The following CT55 variants were observed in gnomAD, a reference collection of about 807,000 sequenced individuals.
The protein encoded by CT55 is BRCA2-interacting protein.
In CT55, 1 loss-of-function variant was observed where a neutral mutation model predicts 12.6. The ratio of observed to expected loss-of-function variants is 0.08; its 90% CI spans 0.03 to 0.38. The LOEUF is 0.38. CT55 is among the 10% of genes least tolerant of loss of function. CT55 has a pLI of 0.99. For missense variants in CT55, 109 were observed against 135.4 expected, an observed-to-expected ratio of 0.80 and a Z score of 0.97; for synonymous variants, 43 against 49.7, an observed-to-expected ratio of 0.87 and a Z score of 0.57.
At chrX:135,163,769 G>C (rs1165523105) in intron 2 of CT55, among the ~76,000 whole-genome samples, 1 of 111,625 alleles carries the variant, frequency 9.0e-6, no homozygotes, top group Non-Finnish European at 1.9e-5. Flanking sequence ...AAATCAAACT[G>C]TCAAAGATGA....
At chrX:135,169,461 G>A (rs1603274698) in intron 2 of CT55, 133 bp downstream of exon 2, 2 of 402,259 alleles carry the variant, frequency 5.0e-6, no homozygotes, top group African/African-American at 2.6e-5. Flanking sequence ...TTCAGAGGAG[G>A]GGGGCTTCAA....
At chrX:135,160,907 T>A in intron 2 of CT55, among the ~76,000 whole-genome samples, 1 of 111,579 alleles carries the variant, frequency 9.0e-6, no homozygotes, top group Non-Finnish European at 1.9e-5. Flanking sequence ...ATGAAGGATA[T>A]AAAACTAGTT....
At chrX:135,161,728 T>G (rs1217736121) in intron 2 of CT55, among the ~76,000 whole-genome samples, 1 of 112,454 alleles carries the variant, frequency 8.9e-6, no homozygotes, top group East Asian at 2.8e-4. Flanking sequence ...GCCACTGAGT[T>G]GTAAAGAATT....
intron 2 of CT55, among the ~76,000 whole-genome samples, chrX:135,161,177 G>C (rs542745185): frequency 1.9e-4 from 21 of 110,912 alleles, no homozygotes; most frequent in African/African-American, 6.9e-4. Flanking sequence ...GAAAAACCAA[G>C]TCAAATTAGG....
At chrX:135,158,156 A>C in intron 4 of CT55, 43 bp downstream of exon 4, 1 of 800,229 alleles carries the variant, frequency 1.2e-6, no homozygotes, top group African/African-American at 2.0e-5. Context: ...CCAAAGGAAG[A>C]GTTAGCAGAA....
At chrX:135,167,303 G>A (rs1309981231) in intron 2 of CT55, among the ~76,000 whole-genome samples, 3 of 112,095 alleles carry the variant, frequency 2.7e-5, no homozygotes, top group Non-Finnish European at 5.6e-5. Flanking sequence ...TGCATTTACA[G>A]TCAACTAATT....
intron 2 of CT55, among the ~76,000 whole-genome samples, chrX:135,163,374 G>T (rs1373513732): frequency 8.9e-6 from 1 of 112,404 alleles, no homozygotes; most frequent in Non-Finnish European, 1.9e-5. Context: ...TGAAAGAATT[G>T]TTAAAAACCA....
chrX:135,168,875 A>G (rs1174495307), intron 2 of CT55, among the ~76,000 whole-genome samples: 1 of 112,448 alleles, frequency 8.9e-6, no homozygotes, highest in Non-Finnish European at 1.9e-5. Context: ...AGCCATAAAT[A>G]TCCCTATTGT....
In CT55 at chrX:135,164,132, A is replaced by G. The variant is rs1404229785; in HGVS notation, c.280-3577T>C. Among the ~76,000 whole-genome samples the G allele has an allele frequency of 2.7e-5, 3 of 112,333 alleles. No individual in the cohort carries two copies. The South Asian group carries it at 1.1e-3, about 42-fold the overall frequency. ...AACTCACCAGTAAAGGTAACGACAC[A>G]AATTCAGAATACTCTAATAAGGTAA... On this transcript the variant is annotated intron_variant, in intron 2 of 5. Transcript: ENST00000276241.
In CT55 at chrX:135,171,172, C is replaced by T. The variant is rs868955080; in HGVS notation, c.-1G>A. On this transcript the variant is annotated 5_prime_UTR_variant, in exon 1 of 6. Transcript: ENST00000276241. The stretch of plus-strand genomic sequence containing the variant: ...AAGCAAGTCTCAGAAGCCTGAGCAT[C>T]GTCCCAGTTGTCACCACCGGCCTGG... The T allele has an allele frequency of 3.3e-6, 4 of 1,211,412 alleles. No homozygotes were observed. The highest frequency in any genetic ancestry group is 4.5e-6 in the Non-Finnish European group (4 of 895,284).
intron 3 of CT55, among the ~76,000 whole-genome samples, 161 bp from the exon 4 acceptor site, chrX:135,158,472 A>G (rs1445673329): frequency 1.8e-5 from 2 of 112,597 alleles, no homozygotes; most frequent in South Asian, 7.4e-4. Flanking sequence ...CTAAGTCCAA[A>G]AAGAAGTTTA....
At chrX:135,160,078 T>A (rs148966485) in intron 3 of CT55, among the ~76,000 whole-genome samples, 288 of 111,821 alleles carry the variant, frequency 2.6e-3, no homozygotes, top group Non-Finnish European at 4.0e-3. Flanking sequence ...AAATGATGCC[T>A]GCAAGTATAG....
chrX:135,163,258 G>C (rs1200572823), intron 2 of CT55, among the ~76,000 whole-genome samples: 4 of 112,542 alleles, frequency 3.6e-5, no homozygotes, highest in African/African-American at 1.3e-4. Flanking sequence ...TATATGAGTT[G>C]TTTAACAAAT....
At chrX:135,165,534 GA>G (rs1237205475) in intron 2 of CT55, among the ~76,000 whole-genome samples, 1 of 110,603 alleles carries the variant, frequency 9.0e-6, no homozygotes, top group African/African-American at 3.3e-5. Context: ...AGAAAAACAA[GA>G]AAAAAATGCA....
At chrX:135,166,413 C>T (rs781899509) in intron 2 of CT55, among the ~76,000 whole-genome samples, 14 of 111,461 alleles carry the variant, frequency 1.3e-4, no homozygotes, top group African/African-American at 3.3e-4. Context: ...CACACCTCTT[C>T]GTGACTAAAA....
At chrX:135,158,956 A>G (rs1484777916) in intron 3 of CT55, among the ~76,000 whole-genome samples, 4 of 112,373 alleles carry the variant, frequency 3.6e-5, no homozygotes, top group Non-Finnish European at 7.5e-5. Flanking sequence ...TGTTCAACTA[A>G]TGAACTCTTA....
At chrX:135,158,563 A>C (rs1372931094) in intron 3 of CT55, among the ~76,000 whole-genome samples, 4 of 112,508 alleles carry the variant, frequency 3.6e-5, no homozygotes, top group African/African-American at 1.3e-4. Flanking sequence ...CACAGCCAAT[A>C]TGAGGGAGCA....
At chrX:135,170,951 C>T (rs1211757590) in intron 1 of CT55, 127 bp downstream of exon 1, 1 of 1,074,537 alleles carries the variant, frequency 9.3e-7, no homozygotes. Flanking sequence ...TCCCCATGCA[C>T]GCACAAGATG....
intron 1 of CT55, among the ~76,000 whole-genome samples, chrX:135,170,337 C>G (rs1436688739): frequency 8.9e-6 from 1 of 112,559 alleles, no homozygotes; most frequent in East Asian, 2.8e-4. Flanking sequence ...TGCACATCAA[C>G]TGTCGAGAGC....
Sources: allele counts gnomAD v4.1 joint callset (sites outside exome capture counted in the v4.1 genomes callset), GRCh38; gene constraint gnomAD v4.1.1; transcripts MANE v1.5; gene names NCBI Gene and HGNC (gene_info 2026-07-23, HGNC 2026-07-21).